AASDHPPT: variants seen among roughly 807,000 people sequenced by gnomAD.
The protein encoded by AASDHPPT is aminoadipate-semialdehyde dehydrogenase-phosphopantetheinyl transferase.
A neutral mutation model predicts 36.4 loss-of-function variants in AASDHPPT; 23 were observed. The observed-to-expected ratio is 0.63, with a 90% confidence interval of 0.45 to 0.89. The LOEUF (loss-of-function observed/expected upper bound fraction) is 0.89, where lower values mean the gene tolerates loss of function less well. Among genes scored for constraint, AASDHPPT ranks in the 40% least tolerant of loss-of-function variants. The pLI, the probability that AASDHPPT is intolerant of heterozygous loss-of-function variation, is 0.00. For synonymous variants in AASDHPPT, 115 were observed against 128.0 expected (o/e 0.90, Z 0.68); for missense variants, 377 against 378.2 (o/e 1.00, Z 0.03).
chr11:106,092,612 G>A (rs371243990), intron 4 of AASDHPPT: 6 of 152,066 alleles, frequency 3.9e-5, no homozygotes, highest in Admixed American at 2.6e-4. Context: ...GAAACCACAA[G>A]AAGTTAGAAG....
intron 2 of AASDHPPT, among the ~76,000 whole-genome samples, chr11:106,080,545 G>A (rs1457515385): frequency 6.6e-6 from 1 of 152,144 alleles, no homozygotes; most frequent in African/African-American, 2.4e-5. Flanking sequence ...CTTAACTGCT[G>A]TATATTTGTC....
At chr11:106,083,291 A>T (rs2186879) in intron 2 of AASDHPPT, among the ~76,000 whole-genome samples, 12,602 of 152,258 alleles carry the variant, frequency 0.083, 608 homozygotes, top group Middle Eastern at 0.16. Flanking sequence ...TCATCTTTGT[A>T]AGACTAGTGC....
At chr11:106,094,943 T>C (rs527744667) in intron 5 of AASDHPPT, among the ~76,000 whole-genome samples, 33 of 151,994 alleles carry the variant, frequency 2.2e-4, no homozygotes, top group Non-Finnish European at 4.6e-4. Flanking sequence ...CTGACCAACA[T>C]GGAGAAACCC....
At chr11:106,094,533 C>G in intron 4 of AASDHPPT, 50 bp from the exon 5 acceptor site, 1 of 1,344,256 alleles carries the variant, frequency 7.4e-7, no homozygotes, top group Non-Finnish European at 1.0e-6. Context: ...AAAGTTACAT[C>G]TAGGTTTACA....
chr11:106,088,939 G>A (rs373065172), intron 2 of AASDHPPT, among the ~76,000 whole-genome samples: 97 of 152,042 alleles, frequency 6.4e-4, no homozygotes, highest in African/African-American at 2.1e-3. Flanking sequence ...CTCTTGAAGC[G>A]GGAGTACTGG....
chr11:106,083,402 T>C (rs1861164102), intron 2 of AASDHPPT, among the ~76,000 whole-genome samples: 1 of 152,224 alleles, frequency 6.6e-6, no homozygotes, highest in Admixed American at 6.5e-5. Flanking sequence ...CTCTCTACAG[T>C]ATATGGCCTC....
intron 2 of AASDHPPT, among the ~76,000 whole-genome samples, chr11:106,087,780 C>T (rs749310115): frequency 3.9e-5 from 6 of 152,100 alleles, no homozygotes; most frequent in Non-Finnish European, 1.5e-5. Context: ...TCTAACACTG[C>T]TCTCCCTAAT....
intron 1 of AASDHPPT, among the ~76,000 whole-genome samples, chr11:106,078,430 A>G (rs971032967): frequency 6.6e-6 from 1 of 152,202 alleles, no homozygotes; most frequent in Non-Finnish European, 1.5e-5. Context: ...TCCTCACTAG[A>G]TGCCATGGGA....
intron 5 of AASDHPPT, among the ~76,000 whole-genome samples, chr11:106,095,040 C>T (rs562996850): frequency 2.8e-4 from 43 of 152,194 alleles, no homozygotes; most frequent in African/African-American, 1.0e-3. Context: ...ACAGGAGAAT[C>T]GCTTGAACCT....
At chr11:106,095,080 C>T (rs541146976) in intron 5 of AASDHPPT, among the ~76,000 whole-genome samples, 4 of 152,026 alleles carry the variant, frequency 2.6e-5, no homozygotes, top group Admixed American at 6.6e-5. Flanking sequence ...GCACCAAGAT[C>T]GCACCATTGC....
At chr11:106,090,503 A>C (rs905354409) in intron 2 of AASDHPPT, 54 bp from the exon 3 acceptor site, 29 of 1,456,432 alleles carry the variant, frequency 2.0e-5, no homozygotes, top group Non-Finnish European at 2.5e-5. Flanking sequence ...TAATAGAGCA[A>C]CTTTTTATTT....
chr11:106,077,837 G>T lies in AASDHPPT; in HGVS notation c.127G>T (p.Glu43Ter). ...WLLAVRSIQP[E>*]EKERIGQFVF... The stretch of plus-strand genomic sequence containing the variant: ...GCTGGCAGTGCGATCGATTCAGCCC[G>T]AGGAGAAGGAGCGCATTGGCCAGTT... Residue 43 changes from glutamate to a stop codon, truncating the protein, a stop_gained, in exon 1 of 6, where the codon GAG becomes TAG. Transcript: ENST00000278618. LOFTEE classifies it high-confidence loss of function. 1 of 1,614,202 alleles carries T rather than the reference G, an allele frequency of 6.2e-7. No individual in the cohort carries two copies. The highest frequency in any genetic ancestry group is 8.5e-7 in the Non-Finnish European group (1 of 1,180,010).
chr11:106,078,458 AT>A (rs1191118679), intron 1 of AASDHPPT, among the ~76,000 whole-genome samples: 1 of 152,204 alleles, frequency 6.6e-6, no homozygotes, highest in African/African-American at 2.4e-5. Flanking sequence ...TTTTACGTAG[AT>A]TTATTTATTT....
At chr11:106,084,877 A>C (rs181050257) in intron 2 of AASDHPPT, among the ~76,000 whole-genome samples, 1 of 152,084 alleles carries the variant, frequency 6.6e-6, no homozygotes, top group African/African-American at 2.4e-5. Context: ...GGCCTCCCAA[A>C]GTGCTGGGAT....
At chr11:106,088,823 G>A (rs1458017515) in intron 2 of AASDHPPT, among the ~76,000 whole-genome samples, 3 of 151,924 alleles carry the variant, frequency 2.0e-5, no homozygotes, top group African/African-American at 4.8e-5. Flanking sequence ...TTAATATTTC[G>A]GTGCCTAAAA....
chr11:106,096,614 C>G (rs1423504461), intron 5 of AASDHPPT, 129 bp from the exon 6 acceptor site: 17 of 621,546 alleles, frequency 2.7e-5, no homozygotes, highest in Admixed American at 3.8e-5. Context: ...AAACAATGTT[C>G]TAGGAATCCT....
At position 106,077,749 on chromosome 11, in the gene AASDHPPT, C is replaced by T. The variant is rs151127553; in HGVS notation, c.39C>T (p.Ser13=). Reference sequence around the variant, plus strand: ...CCAAACGGTTCTGCTTGGTGCCATCCATGGAGGGCGTGCGCTGGGCCTTTT... The same window carrying T: ...CCAAACGGTTCTGCTTGGTGCCATCTATGGAGGGCGTGCGCTGGGCCTTTT... ...FPAKRFCLVP[S]MEGVRWAFSC... Residue 13 remains serine, a synonymous_variant, in exon 1 of 6, where the codon TCC becomes TCT. Transcript: ENST00000278618. 1.2e-4 allele frequency: 188 copies of T among 1,614,120 alleles called. No individual in the cohort carries two copies. In the African/African-American group the frequency reaches 2.4e-3, roughly 20 times the overall value.
intron 2 of AASDHPPT, among the ~76,000 whole-genome samples, chr11:106,083,540 A>G (rs1173325461): frequency 2.6e-5 from 4 of 152,208 alleles, no homozygotes; most frequent in African/African-American, 9.6e-5. Context: ...AATATGAAAA[A>G]TATAGTAAGG....
rs1428415879 is a variant in AASDHPPT at position 106,090,808 on chromosome 11, T to G, written c.531+130T>G. ...AGTAAATGGGTGATTGCTTGAGAAT[T>G]TTATGGTTTTTATGCATATGGTATT... On this transcript the variant is annotated intron_variant, in intron 3 of 5. Coordinates refer to ENST00000278618, the MANE Select transcript of AASDHPPT (RefSeq NM_015423.3). The G allele has an allele frequency of 4.1e-6, 5 of 1,218,252 alleles. No individual in the cohort carries two copies. In the African/African-American group the frequency reaches 4.8e-5, roughly 12 times the overall value. 75.5% of individuals were successfully genotyped at this position (1,218,252 alleles called of 1,614,324 possible). A position where few individuals can be genotyped will look rare whatever the true frequency, so the allele number is the denominator to read the frequency against.
Sources: gnomAD v4.1 joint callset for allele counts (sites outside exome capture counted in the v4.1 genomes callset) on GRCh38, gnomAD v4.1.1 for gene constraint, MANE v1.5 for transcripts, NCBI Gene and HGNC (gene_info 2026-07-23, HGNC 2026-07-21) for gene names.